The following GULP1 variants were observed in gnomAD, a reference collection of about 807,000 sequenced individuals.
GULP1 encodes the protein GULP PTB domain containing engulfment adaptor 1.
A neutral mutation model predicts 40.9 loss-of-function variants in GULP1; 19 were observed. That is an observed-to-expected ratio of 0.46 (90% CI 0.32 to 0.68). GULP1 has a LOEUF of 0.68. Ranked by LOEUF, GULP1 falls within the 30% of genes least tolerant of loss-of-function variation. The pLI is 0.03. For synonymous variants in GULP1, 119 were observed against 117.6 expected, an observed-to-expected ratio of 1.01 and a Z score of -0.08; for missense variants, 312 against 362.2, an observed-to-expected ratio of 0.86 and a Z score of 1.12.
chr2:188,489,097 C>A (rs2062116384), intron 4 of GULP1, among the ~76,000 whole-genome samples: 1 of 151,516 alleles, frequency 6.6e-6, no homozygotes, highest in Non-Finnish European at 1.5e-5. Context: ...TGGTATATGA[C>A]CTAATTGAAA....
intron 7 of GULP1, among the ~76,000 whole-genome samples, chr2:188,547,406 C>T (rs117992181): frequency 0.012 from 1,862 of 152,136 alleles, 49 homozygotes; most frequent in East Asian, 0.094. Context: ...CTCACACAAT[C>T]ACAAGGTCCC....
intron 9 of GULP1, among the ~76,000 whole-genome samples, chr2:188,580,811 C>T (rs1701160490): frequency 6.6e-6 from 1 of 152,200 alleles, no homozygotes; most frequent in East Asian, 1.9e-4. Context: ...TAGTTACTAC[C>T]TTTTACAATA....
At chr2:188,349,781 C>A (rs1164535098) in intron 1 of GULP1, among the ~76,000 whole-genome samples, 4 of 151,926 alleles carry the variant, frequency 2.6e-5, no homozygotes, top group Non-Finnish European at 4.4e-5. Flanking sequence ...GAAACTATTG[C>A]CTAAATCAAG....
At chr2:188,544,535 TATTATA>T (rs956499223) in intron 7 of GULP1, among the ~76,000 whole-genome samples, 5 of 144,976 alleles carry the variant, frequency 3.4e-5, no homozygotes, top group South Asian at 2.1e-4. Flanking sequence ...CTTAAAGTAT[TATTATA>T]ATAATAATAA....
chr2:188,335,907 T>G (rs1226682874), intron 1 of GULP1, among the ~76,000 whole-genome samples: 1 of 152,196 alleles, frequency 6.6e-6, no homozygotes, highest in Non-Finnish European at 1.5e-5. Context: ...ACATGAGGGC[T>G]TTCTGATTTA....
intron 1 of GULP1, among the ~76,000 whole-genome samples, chr2:188,345,937 T>A (rs1559134291): frequency 1.3e-5 from 2 of 152,244 alleles, no homozygotes; most frequent in South Asian, 4.1e-4. Context: ...GGAAGAGGAC[T>A]ATAAGGTCTT....
intron 7 of GULP1, among the ~76,000 whole-genome samples, chr2:188,553,815 G>A (rs1694098845): frequency 6.6e-6 from 1 of 151,914 alleles, no homozygotes; most frequent in Non-Finnish European, 1.5e-5. Context: ...TTTTATTACT[G>A]ATTCAATATT....
At chr2:188,352,235 C>T (rs2044550844) in intron 1 of GULP1, among the ~76,000 whole-genome samples, 2 of 152,094 alleles carry the variant, frequency 1.3e-5, no homozygotes, top group Non-Finnish European at 2.9e-5. Flanking sequence ...TGATTGCCCT[C>T]TCTAATGTGG....
Position 188,418,024 on chromosome 2 carries a change from G to A in GULP1, c.-45+34135G>A, listed in dbSNP as rs1297293879. 1.1e-4 allele frequency among the ~76,000 whole-genome samples: 16 copies of A among 151,472 alleles called. No homozygotes were observed. In the Admixed American group the frequency reaches 1.1e-3, roughly 10 times the overall value. On this transcript the variant is annotated intron_variant, in intron 2 of 11. Transcript: ENST00000409830. Reference sequence around the variant, plus strand: ...AGACAGAGTTTTGCTATGTTATCTGGCCACGTCTCAAACTCCAGGCCTCTA... The same window carrying A: ...AGACAGAGTTTTGCTATGTTATCTGACCACGTCTCAAACTCCAGGCCTCTA...
At chr2:188,578,498 C>T (rs577024280) in intron 9 of GULP1, among the ~76,000 whole-genome samples, 32 of 151,254 alleles carry the variant, frequency 2.1e-4, no homozygotes, top group African/African-American at 7.5e-4. Flanking sequence ...AACAGACCTT[C>T]ATGTTCTGCT....
chr2:188,536,595 T>C lies in GULP1; in HGVS notation c.262-4586T>C, dbSNP rs371697255. Among the ~76,000 whole-genome samples the C allele has an allele frequency of 4.2e-4, 64 of 152,264 alleles. 3 individuals are homozygous for C. In the South Asian group the frequency reaches 0.013, roughly 31 times the overall value. The stretch of plus-strand genomic sequence containing the variant: ...TGCTTTTTTGGTTACTATAGCCTTA[T>C]AGTACAGTCATCGGGTAATGTGATG... On this transcript the variant is annotated intron_variant, in intron 6 of 11. Coordinates refer to ENST00000409830, the MANE Select transcript of GULP1 (RefSeq NM_016315.4).
chr2:188,461,397 T>G lies in GULP1; in HGVS notation c.-44-16262T>G, dbSNP rs527717738. 3.3e-5 allele frequency among the ~76,000 whole-genome samples: 5 copies of G among 150,228 alleles called. No homozygotes were observed. The East Asian group carries it at 9.9e-4, about 30-fold the overall frequency. On this transcript the variant is annotated intron_variant, in intron 2 of 11. Transcript: ENST00000409830. ...GTGCAATGGCATGATCTCAGCTCACTGCAACCTCCGCCTCCTAAACTCAAG... is the reference window on the plus strand; with the variant it reads ...GTGCAATGGCATGATCTCAGCTCACGGCAACCTCCGCCTCCTAAACTCAAG...
At chr2:188,445,160 A>T (rs1334474540) in intron 2 of GULP1, among the ~76,000 whole-genome samples, 1 of 152,142 alleles carries the variant, frequency 6.6e-6, no homozygotes, top group African/African-American at 2.4e-5. Flanking sequence ...TGGGTGCATA[A>T]ACCTTGACGT....
chr2:188,588,408 T>G (rs918993888), intron 11 of GULP1: 2 of 161,888 alleles, frequency 1.2e-5, no homozygotes, highest in African/African-American at 4.8e-5. Context: ...GGCTTTTATT[T>G]AAAAAGCAAA....
intron 1 of GULP1, among the ~76,000 whole-genome samples, chr2:188,306,754 C>G (rs936964349): frequency 6.6e-6 from 1 of 152,122 alleles, no homozygotes; most frequent in African/African-American, 2.4e-5. Context: ...AACCATTTAA[C>G]AAAGGTTATA....
At chr2:188,548,259 A>G (rs1692500332) in intron 7 of GULP1, among the ~76,000 whole-genome samples, 1 of 152,122 alleles carries the variant, frequency 6.6e-6, no homozygotes, top group African/African-American at 2.4e-5. Flanking sequence ...GATTTAATAA[A>G]TGAGTTTAGC....
At chr2:188,363,103 A>G (rs1306597200) in intron 1 of GULP1, among the ~76,000 whole-genome samples, 1 of 152,118 alleles carries the variant, frequency 6.6e-6, no homozygotes, top group Admixed American at 6.6e-5. Context: ...AATCTTTATT[A>G]TCTTTTAAAT....
intron 2 of GULP1, among the ~76,000 whole-genome samples, chr2:188,414,248 G>T (rs931624927): frequency 1.3e-5 from 2 of 150,448 alleles, no homozygotes; most frequent in South Asian, 4.2e-4. Context: ...AAAAAGAAGA[G>T]AAATGGTTCA....
chr2:188,549,672 A>T (rs1213667579), intron 7 of GULP1, among the ~76,000 whole-genome samples: 1 of 151,784 alleles, frequency 6.6e-6, no homozygotes, highest in African/African-American at 2.4e-5. Flanking sequence ...TTCACACAAA[A>T]ACCTATACAC....
Sources: allele counts gnomAD v4.1 joint callset (sites outside exome capture counted in the v4.1 genomes callset), GRCh38; gene constraint gnomAD v4.1.1; transcripts MANE v1.5; gene names NCBI Gene and HGNC (gene_info 2026-07-23, HGNC 2026-07-21).